The following SHQ1 variants were observed in gnomAD, a reference collection of about 807,000 sequenced individuals.
SHQ1 encodes protein SHQ1 homolog.
In SHQ1, 49 loss-of-function variants were observed where a neutral mutation model predicts 53.8. That is an observed-to-expected ratio of 0.91 (90% CI 0.72 to 1.16). The LOEUF is 1.16. Ranked by LOEUF, SHQ1 falls within the 50% of genes most tolerant of loss-of-function variation. The probability of loss-of-function intolerance (pLI) is 0.00; values close to 1 mark genes in which losing one functional copy is unlikely to be tolerated. For synonymous variants in SHQ1, 243 were observed against 251.0 expected (o/e 0.97, Z 0.30); for missense variants, 738 against 683.1 (o/e 1.08, Z -0.90).
At chr3:72,810,088 CTTCCAA>C (rs1176180094) in intron 9 of SHQ1, 1 of 151,946 alleles carries the variant, frequency 6.6e-6, no homozygotes, top group African/African-American at 2.4e-5. Context: ...TTTACCCATT[CTTCCAA>C]AAAGAATGGA....
At chr3:72,767,063 G>T (rs969108717) in intron 10 of SHQ1, among the ~76,000 whole-genome samples, 3 of 152,192 alleles carry the variant, frequency 2.0e-5, no homozygotes, top group Non-Finnish European at 4.4e-5. Flanking sequence ...TGACAAAGAT[G>T]AAGCCTAGAG....
chr3:72,777,794 A>G (rs1705987463), intron 10 of SHQ1, among the ~76,000 whole-genome samples: 1 of 152,212 alleles, frequency 6.6e-6, no homozygotes, highest in Admixed American at 6.5e-5. Context: ...CAAACTGGAA[A>G]CCATTTATTA....
intron 2 of SHQ1, among the ~76,000 whole-genome samples, chr3:72,843,479 T>C (rs1049287585): frequency 6.6e-6 from 1 of 152,226 alleles, no homozygotes; most frequent in Non-Finnish European, 1.5e-5. Context: ...CTTACTACAT[T>C]ATTTAGCACT....
intron 7 of SHQ1, 146 bp from the exon 8 acceptor site, chr3:72,815,549 A>C: frequency 1.7e-6 from 1 of 571,722 alleles, no homozygotes. Flanking sequence ...AAAAATAATT[A>C]TTTTGCTGAT....
At chr3:72,764,653 G>C (rs1705682774) in intron 10 of SHQ1, among the ~76,000 whole-genome samples, 1 of 152,118 alleles carries the variant, frequency 6.6e-6, no homozygotes, top group Admixed American at 6.5e-5. Flanking sequence ...GCATAACCCT[G>C]GACCAGGAGC....
intron 2 of SHQ1, among the ~76,000 whole-genome samples, chr3:72,842,729 G>A (rs964892142): frequency 2.0e-5 from 3 of 152,158 alleles, no homozygotes; most frequent in South Asian, 2.1e-4. Flanking sequence ...TACAAGTCAA[G>A]ATAGAAAAAG....
chr3:72,764,101 T>C (rs1263071400), intron 10 of SHQ1, among the ~76,000 whole-genome samples: 2 of 152,014 alleles, frequency 1.3e-5, no homozygotes, highest in East Asian at 1.9e-4. Context: ...GATTAGTTTG[T>C]TTCTAATTCC....
chr3:72,776,894 A>G (rs1705967970), intron 10 of SHQ1, among the ~76,000 whole-genome samples: 1 of 152,138 alleles, frequency 6.6e-6, no homozygotes, highest in Non-Finnish European at 1.5e-5. Flanking sequence ...GACAACCTAG[A>G]AACAGATCCA....
rs114034849 is a variant in SHQ1 at position 72,814,203 on chromosome 3, G to A, written c.936+1147C>T. On this transcript the variant is annotated intron_variant, in intron 8 of 10. Coordinates refer to ENST00000325599, the MANE Select transcript of SHQ1 (RefSeq NM_018130.3). ...AAATCATAAATAGGTGAATTTTCAT[G>A]TAGATTTTTAATAACTATACTACAA... Among the ~76,000 whole-genome samples the A allele has an allele frequency of 5.5e-3, 840 of 152,240 alleles. 10 individuals are homozygous for A. The highest frequency in any genetic ancestry group is 0.019 in the African/African-American group (810 of 41,546).
rs527757639 is a variant in SHQ1, at chr3:72,801,358, T to C, written c.1061-8322A>G. ...ATTTCAATGCCCTTTGTGGTTTTAATTAAAACAATTACACTTCATTTTTTT... is the reference window on the plus strand; with the variant it reads ...ATTTCAATGCCCTTTGTGGTTTTAACTAAAACAATTACACTTCATTTTTTT... On this transcript the variant is annotated intron_variant, in intron 9 of 10. Coordinates refer to ENST00000325599, the MANE Select transcript of SHQ1 (RefSeq NM_018130.3). Among the ~76,000 whole-genome samples, 6 of 152,294 alleles carry C rather than the reference T, an allele frequency of 3.9e-5. No homozygotes were observed. In the East Asian group the frequency reaches 9.6e-4, roughly 24 times the overall value.
intron 9 of SHQ1, chr3:72,794,948 G>T (rs1232573692): frequency 6.6e-6 from 1 of 152,238 alleles, no homozygotes; most frequent in Non-Finnish European, 1.5e-5. Context: ...GGATGGGTAA[G>T]ATACAGGGCC....
chr3:72,815,459 T>G (rs77602064), intron 7 of SHQ1, 56 bp from the exon 8 acceptor site: 1 of 1,353,070 alleles, frequency 7.4e-7, no homozygotes, highest in African/African-American at 1.4e-5. Context: ...GTCATTTAAA[T>G]AGACCAAACA....
chr3:72,815,523 G>T, intron 7 of SHQ1, 120 bp from the exon 8 acceptor site: 1 of 734,968 alleles, frequency 1.4e-6, no homozygotes, highest in Non-Finnish European at 2.3e-6. Context: ...GAACTAAGAA[G>T]TGTTCACGAC....
intron 10 of SHQ1, among the ~76,000 whole-genome samples, chr3:72,789,332 A>G (rs1164952964): frequency 6.6e-6 from 1 of 152,180 alleles, no homozygotes; most frequent in Non-Finnish European, 1.5e-5. Flanking sequence ...GTAGTGATGG[A>G]TATCATAAAA....
In SHQ1 at chr3:72,751,500, G is replaced by GTATATA. The variant is rs1411876975; in HGVS notation, c.1182-665_1182-664insTATATA. On this transcript the variant is annotated intron_variant, in intron 10 of 10. Transcript: ENST00000325599. ...TATGTGTGTGTGTGTGTGTGTGTGT[G>GTATATA]TGTGTGTGTATATATATATATATAT... Among the ~76,000 whole-genome samples, 63 of 119,556 alleles carry GTATATA rather than the reference G, an allele frequency of 5.3e-4. 1 individual carries two copies. The highest frequency in any genetic ancestry group is 1.8e-3 in the African/African-American group (44 of 24,102). The allele number at this position is 119,556 out of a possible 152,430, so 78.4% of individuals were successfully genotyped here.
intron 5 of SHQ1, among the ~76,000 whole-genome samples, chr3:72,828,379 C>A (rs1037534727): frequency 3.9e-5 from 6 of 152,168 alleles, no homozygotes; most frequent in Non-Finnish European, 4.4e-5. Context: ...CAAAGGGATA[C>A]CATGATAAAA....
chr3:72,796,869 T>C (rs1448944270), intron 9 of SHQ1, among the ~76,000 whole-genome samples: 1 of 151,620 alleles, frequency 6.6e-6, no homozygotes, highest in East Asian at 1.9e-4. Flanking sequence ...GTCAAAATAT[T>C]TTTTTAATTT....
intron 10 of SHQ1, among the ~76,000 whole-genome samples, chr3:72,790,292 T>C (rs749689726): frequency 5.3e-5 from 8 of 152,242 alleles, no homozygotes; most frequent in Non-Finnish European, 8.8e-5. Flanking sequence ...ATCGATTCAA[T>C]GTAAGAATGA....
rs1491584090 is a variant in SHQ1 at position 72,751,529 on chromosome 3, T to TATATATATATAC, written c.1182-694_1182-693insGTATATATATAT. On this transcript the variant is annotated intron_variant, in intron 10 of 10. Transcript: ENST00000325599. ...GTGTGTATATATATATATATATATA[T>TATATATATATAC]ACATATACATACACTAATAAAGCCT... 6.5e-4 allele frequency among the ~76,000 whole-genome samples: 90 copies of TATATATATATAC among 137,998 alleles called. 1 individual carries two copies. Among genetic ancestry groups the TATATATATATAC allele is most frequent in the Non-Finnish European group, 1.1e-3 (70 of 64,900 alleles). The allele number at this position is 137,998 out of a possible 152,430, so 90.5% of individuals were successfully genotyped here. A position where few individuals can be genotyped will look rare whatever the true frequency, so the allele number is the denominator to read the frequency against.
Sources: allele counts gnomAD v4.1 joint callset (sites outside exome capture counted in the v4.1 genomes callset), GRCh38; gene constraint gnomAD v4.1.1; transcripts MANE v1.5; gene names NCBI Gene and HGNC (gene_info 2026-07-23, HGNC 2026-07-21).